Variants in ZMYM2 observed in about 807,000 individuals in gnomAD.
The protein encoded by ZMYM2 is zinc finger MYM-type protein 2.
ZMYM2 carries 56 observed loss-of-function variants against 162.8 expected under a neutral mutation model. The ratio of observed to expected loss-of-function variants is 0.34; its 90% confidence interval spans 0.28 to 0.43. The LOEUF is 0.43. Ranked by LOEUF, ZMYM2 falls within the 20% of genes least tolerant of loss-of-function variation. The probability of loss-of-function intolerance (pLI) is 1.00; values close to 1 mark genes in which losing one functional copy is unlikely to be tolerated. For synonymous variants in ZMYM2, 510 were observed against 541.6 expected (o/e 0.94, Z 0.81); for missense variants, 1,275 against 1,621.8 (o/e 0.79, Z 3.67).
Position 19,993,806 on chromosome 13 carries a change from C to T in ZMYM2, c.734C>T (p.Thr245Ile). 6.2e-7 allele frequency: 1 copy of T among 1,614,150 alleles called. No individual in the cohort carries two copies. The highest frequency in any genetic ancestry group is 1.1e-5 in the South Asian group (1 of 91,086). The change falls in exon 3 of 25, where the codon ACC becomes ATC. Residue 245 changes from threonine (T) to isoleucine (I), a missense_variant. Around this residue, in one of 10 missense-constraint regions of ZMYM2, gnomAD observed 295 missense variants for 286.7 expected, o/e 1.03. Transcript: ENST00000610343. ...SNFGVNIQTYTPSLTSQTKTG... is the reference protein window; with the variant it reads ...SNFGVNIQTYIPSLTSQTKTG... ...TTTGGTGTTAATATACAAACATACA[C>T]CCCATCTTTAACTTCACAGACCAAG...
the ZMYM2 span, among the ~76,000 whole-genome samples, chr13:19,877,888 A>AT: frequency 6.6e-6 from 1 of 152,154 alleles, no homozygotes; most frequent in African/African-American, 2.4e-5. Flanking sequence ...CCCTGTTTTC[A>AT]TTTTTTTGAC....
At chr13:19,995,370 T>C (rs1314313611) in intron 3 of ZMYM2, among the ~76,000 whole-genome samples, 1 of 152,208 alleles carries the variant, frequency 6.6e-6, no homozygotes, top group Non-Finnish European at 1.5e-5. Context: ...TTTTAAAAAT[T>C]ATTTTTATTT....
chr13:19,972,112 T>C (rs752719328), intron 2 of ZMYM2, among the ~76,000 whole-genome samples: 1 of 152,210 alleles, frequency 6.6e-6, no homozygotes, highest in Non-Finnish European at 1.5e-5. Flanking sequence ...ATGAAATAAT[T>C]GATTTATTCA....
chr13:19,896,359 G>T, the ZMYM2 span, among the ~76,000 whole-genome samples: 183 of 151,116 alleles, frequency 1.2e-3, no homozygotes, highest in Middle Eastern at 3.4e-3. Flanking sequence ...GACCAGGCTG[G>T]TCTCGAACTC....
At chr13:19,918,141 T>A in the ZMYM2 span, among the ~76,000 whole-genome samples, 1 of 152,280 alleles carries the variant, frequency 6.6e-6, no homozygotes, top group East Asian at 1.9e-4. Context: ...TTTTCATTAA[T>A]AAATTTTAAA....
intron 21 of ZMYM2, among the ~76,000 whole-genome samples, chr13:20,077,571 C>T (rs1314406823): frequency 5.9e-5 from 9 of 151,496 alleles, no homozygotes; most frequent in Admixed American, 4.6e-4. Flanking sequence ...ATTTAGATGA[C>T]ATTGAGTTTT....
intron 8 of ZMYM2, 133 bp downstream of exon 8, chr13:20,026,895 T>A: frequency 1.9e-6 from 2 of 1,049,698 alleles, no homozygotes; most frequent in Non-Finnish European, 2.6e-6. Context: ...AAAACTGTTC[T>A]AATTATTTTG....
At chr13:19,964,949 AT>A (rs1478245723) in intron 2 of ZMYM2, among the ~76,000 whole-genome samples, 1 of 152,210 alleles carries the variant, frequency 6.6e-6, no homozygotes. Flanking sequence ...CATTAAACTT[AT>A]TTGTCTCTAA....
At chr13:19,994,019 CATGTGAAAT>C (rs1949829016) in intron 3 of ZMYM2, 100 bp downstream of exon 3, 1 of 1,302,122 alleles carries the variant, frequency 7.7e-7, no homozygotes, top group Non-Finnish European at 1.0e-6. Context: ...TTAGTTTCAT[CATGTGAAAT>C]ATGTGAATTA....
chr13:19,921,849 C>A, the ZMYM2 span, among the ~76,000 whole-genome samples: 54 of 152,136 alleles, frequency 3.5e-4, no homozygotes, highest in African/African-American at 1.2e-3. Flanking sequence ...TTGAGGACTG[C>A]AACCTGGAAG....
At chr13:19,982,078 C>A (rs147931975) in intron 2 of ZMYM2, among the ~76,000 whole-genome samples, 10 of 152,216 alleles carry the variant, frequency 6.6e-5, no homozygotes, top group Non-Finnish European at 1.3e-4. Context: ...CAGCACCAGT[C>A]CTGAGTATGT....
chr13:19,996,409 C>T lies in ZMYM2; in HGVS notation c.847+2490C>T, dbSNP rs561490590. On this transcript the variant is annotated intron_variant, in intron 3 of 24. Coordinates refer to ENST00000610343, the MANE Select transcript of ZMYM2 (RefSeq NM_197968.4). Reference sequence around the variant, plus strand: ...CAGCCTCTGGGCAACAGAGCAAGACCTTGTCTCTACTAAAGATAAAAAAAA... The same window carrying T: ...CAGCCTCTGGGCAACAGAGCAAGACTTTGTCTCTACTAAAGATAAAAAAAA... Among the ~76,000 whole-genome samples, 9 of 151,974 alleles carry T rather than the reference C, an allele frequency of 5.9e-5. No homozygotes were observed. The South Asian group carries it at 1.9e-3, about 32-fold the overall frequency.
At chr13:19,895,603 G>A in the ZMYM2 span, among the ~76,000 whole-genome samples, 6 of 151,756 alleles carry the variant, frequency 4.0e-5, no homozygotes, top group East Asian at 9.7e-4. Context: ...ATGATAACCC[G>A]TTAATCCACT....
At chr13:19,866,456 A>G in the ZMYM2 span, among the ~76,000 whole-genome samples, 1 of 152,074 alleles carries the variant, frequency 6.6e-6, no homozygotes, top group Non-Finnish European at 1.5e-5. Flanking sequence ...ACCTGAGGTC[A>G]GGAGTTTGAG....
At chr13:20,005,018 T>C in intron 4 of ZMYM2, 56 bp from the exon 5 acceptor site, 1 of 1,442,878 alleles carries the variant, frequency 6.9e-7, no homozygotes, top group Non-Finnish European at 9.5e-7. Flanking sequence ...CACTTATGAC[T>C]CTTATATTTG....
At chr13:19,951,649 C>G in the ZMYM2 span, among the ~76,000 whole-genome samples, 2 of 151,492 alleles carry the variant, frequency 1.3e-5, no homozygotes, top group Non-Finnish European at 2.9e-5. Context: ...TTGCAGTGAG[C>G]TGAGATGGGG....
At chr13:20,004,941 A>C in intron 4 of ZMYM2, 133 bp from the exon 5 acceptor site, 1 of 627,830 alleles carries the variant, frequency 1.6e-6, no homozygotes. Flanking sequence ...TGTCTAATAA[A>C]AATGATTTAT....
rs759405093 is a variant in ZMYM2, at chr13:20,051,560, A to G, written c.2420A>G (p.Asn807Ser). ...LRFYCQQNEP[N>S]MTTQKGPENL... ...TTCTACTGTCAACAAAATGAGCCCA[A>G]CATGACAACTCAGAAAGGACCTGAA... Residue 807 changes from asparagine to serine, a missense_variant, in exon 13 of 25, where the codon AAC becomes AGC. Asn to Ser is a conservative substitution (Grantham distance 46). This residue lies in a region of ZMYM2 where 177 missense variants were observed against 228.0 expected (regional missense o/e 0.78). Transcript: ENST00000610343. The G allele has an allele frequency of 9.3e-6, 15 of 1,613,236 alleles. No homozygotes were observed. Among genetic ancestry groups the G allele is most frequent in the Non-Finnish European group, 1.3e-5 (15 of 1,179,484 alleles).
intron 21 of ZMYM2, among the ~76,000 whole-genome samples, chr13:20,073,356 C>T (rs983475370): frequency 2.6e-5 from 4 of 152,150 alleles, no homozygotes; most frequent in Non-Finnish European, 5.9e-5. Context: ...AAGTTGTAAC[C>T]ATTTATAAAA....
Sources: gnomAD v4.1 joint callset for allele counts (sites outside exome capture counted in the v4.1 genomes callset) on GRCh38, gnomAD v4.1.1 for gene constraint, gnomAD v4.1.1 regional missense constraint, MANE v1.5 for transcripts, NCBI Gene and HGNC (gene_info 2026-07-23, HGNC 2026-07-21) for gene names.